LPIN1: variants seen among roughly 807,000 people sequenced by gnomAD.
The protein encoded by LPIN1 is phosphatidate phosphatase LPIN1.
In LPIN1, 71 loss-of-function variants were observed where a neutral mutation model predicts 107.5. The observed-to-expected ratio is 0.66, with a 90% CI of 0.55 to 0.80. The LOEUF (loss-of-function observed/expected upper bound fraction) is 0.80, where lower values mean the gene tolerates loss of function less well. Among genes scored for constraint, LPIN1 ranks in the 30% least tolerant of loss-of-function variants. The pLI, the probability that LPIN1 is intolerant of heterozygous loss-of-function variation, is 0.00. For synonymous variants in LPIN1, 445 were observed against 452.6 expected (o/e 0.98, Z 0.21); for missense variants, 1,043 against 1,160.6 (o/e 0.90, Z 1.47).
rs115720594 is a variant in LPIN1, at chr2:11,809,365, G to A, written c.2249+4209G>A. Among the ~76,000 whole-genome samples, 1,150 of 152,206 alleles carry A rather than the reference G, an allele frequency of 7.6e-3. 11 individuals carry two copies. Among genetic ancestry groups the A allele is most frequent in the African/African-American group, 0.025 (1,022 of 41,534 alleles). On this transcript the variant is annotated intron_variant, in intron 17 of 20. Transcript: ENST00000674199. ...TAGCTCCGCTGGGGTCTAGGTATGC[G>A]GTGTCCCAAGCCAGTGGACTGAAAA...
chr2:11,713,781 G>A lies in LPIN1; in HGVS notation c.107G>A (p.Trp36Ter), dbSNP rs1467158087. 2 of 1,522,432 alleles carry A rather than the reference G, an allele frequency of 1.3e-6. No individual in the cohort carries two copies. Among genetic ancestry groups the A allele is most frequent in the Admixed American group, 2.0e-5 (1 of 50,834 alleles). 94.3% of individuals were successfully genotyped at this position (1,522,432 alleles called of 1,614,324 possible). A position where few individuals can be genotyped will look rare whatever the true frequency, so the allele number is the denominator to read the frequency against. ...ATTCCAATAATGAGAGACCCTGGGTGGATTCGAAATGTATGGTCTTCAAAC... is the reference window on the plus strand; with the variant it reads ...ATTCCAATAATGAGAGACCCTGGGTAGATTCGAAATGTATGGTCTTCAAAC... Residue 36 changes from tryptophan to a stop codon, truncating the protein, a stop_gained, in exon 2 of 22, where the codon TGG becomes TAG. Coordinates refer to the LPIN1 transcript ENST00000449576. LOFTEE classifies it high-confidence loss of function.
intron 6 of LPIN1, among the ~76,000 whole-genome samples, chr2:11,777,768 T>C (rs1672906008): frequency 6.6e-6 from 1 of 152,246 alleles, no homozygotes; most frequent in Admixed American, 6.5e-5. Context: ...TTTCATTTAG[T>C]GACAGTGAGA....
At chr2:11,725,279 A>G (rs760326710) in intron 1 of LPIN1, among the ~76,000 whole-genome samples, 41 of 151,972 alleles carry the variant, frequency 2.7e-4, no homozygotes, top group Admixed American at 1.8e-3. Flanking sequence ...AAACAAAAAC[A>G]AAAACAAACA....
intron 14 of LPIN1, among the ~76,000 whole-genome samples, chr2:11,801,783 T>C (rs1377078930): frequency 6.6e-6 from 1 of 152,208 alleles, no homozygotes; most frequent in Non-Finnish European, 1.5e-5. Flanking sequence ...AAAGAAATGA[T>C]AACTGTTTGG....
chr2:11,784,167 G>A lies in LPIN1; in HGVS notation c.1358+245G>A, dbSNP rs3762583. 93,099 of 739,500 alleles carry A rather than the reference G, an allele frequency of 0.13. 6,472 individuals are homozygous for A. The highest frequency in any genetic ancestry group is 0.17 in the East Asian group (3,497 of 20,772). 45.8% of individuals were successfully genotyped at this position (739,500 alleles called of 1,614,324 possible). On this transcript the variant is annotated intron_variant, in intron 9 of 20. Coordinates refer to ENST00000674199, the MANE Select transcript of LPIN1 (RefSeq NM_001349206.2). ...GAAAATACCAAAATTGGCTGCACGT[G>A]CTGGCATGCACCTGTAATCCCAGCT...
chr2:11,740,505 A>C (rs1035462542), intron 1 of LPIN1, among the ~76,000 whole-genome samples: 4 of 151,822 alleles, frequency 2.6e-5, no homozygotes, highest in African/African-American at 7.3e-5. Context: ...ACATGGCGAA[A>C]CCCTGTCTCT....
At chr2:11,745,635 A>G (rs1666821650), upstream of LPIN1, among the ~76,000 whole-genome samples, 1 of 152,256 alleles carries the variant, frequency 6.6e-6, no homozygotes, top group African/African-American at 2.4e-5. Flanking sequence ...GCCTGAGGCC[A>G]GAAGGTGAAG....
chr2:11,688,671 G>A (rs1261422489), intron 1 of LPIN1, among the ~76,000 whole-genome samples: 2 of 152,240 alleles, frequency 1.3e-5, no homozygotes, highest in African/African-American at 4.8e-5. Flanking sequence ...ACAGGGGAGT[G>A]TTGACAAATG....
At chr2:11,809,456 G>C (rs1359289251) in intron 17 of LPIN1, among the ~76,000 whole-genome samples, 2 of 151,812 alleles carry the variant, frequency 1.3e-5, no homozygotes, top group Non-Finnish European at 2.9e-5. Flanking sequence ...TGCTCTTGTT[G>C]TCCAGGCTGG....
chr2:11,780,664 G>T (rs1248055005), intron 7 of LPIN1, among the ~76,000 whole-genome samples: 1 of 152,178 alleles, frequency 6.6e-6, no homozygotes, highest in African/African-American at 2.4e-5. Flanking sequence ...CTGGGTTTGA[G>T]TCCTCACTGC....
chr2:11,761,516 A>G (rs1477207482), intron 1 of LPIN1, among the ~76,000 whole-genome samples: 1 of 152,184 alleles, frequency 6.6e-6, no homozygotes, highest in African/African-American at 2.4e-5. Context: ...GAGGAGGTGT[A>G]TCAGTACAGA....
intron 17 of LPIN1, among the ~76,000 whole-genome samples, chr2:11,813,321 A>G (rs1305129184): frequency 6.6e-6 from 1 of 152,212 alleles, no homozygotes; most frequent in Non-Finnish European, 1.5e-5. Flanking sequence ...TCAAAATGAT[A>G]TCACTTAGAC....
chr2:11,788,211 G>C (rs918532159), intron 11 of LPIN1, among the ~76,000 whole-genome samples, 176 bp from the exon 12 acceptor site: 1 of 152,138 alleles, frequency 6.6e-6, no homozygotes, highest in African/African-American at 2.4e-5. Flanking sequence ...GGGGTGAGGT[G>C]GGGGGAGCCT....
intron 14 of LPIN1, among the ~76,000 whole-genome samples, chr2:11,797,425 A>T (rs1001469464): frequency 6.6e-6 from 1 of 152,236 alleles, no homozygotes; most frequent in Admixed American, 6.5e-5. Flanking sequence ...TTCAATCCCA[A>T]ACCATACAGT....
rs1354955148 is a variant in LPIN1 at position 11,752,432 on chromosome 2, C to CTTTTTTTT, written c.-10+5761_-10+5762insTTTTTTTT. On this transcript the variant is annotated intron_variant, in intron 1 of 20. Transcript: ENST00000674199. Reference sequence around the variant, plus strand: ...TTTTTCTTTTGAGCTGTTCCAAGGCCATTTTTTTTTTTTTTTTGAGACGGA... The same window carrying CTTTTTTTT: ...TTTTTCTTTTGAGCTGTTCCAAGGCCTTTTTTTTATTTTTTTTTTTTTTTTGAGACGGA... Among the ~76,000 whole-genome samples the CTTTTTTTT allele has an allele frequency of 2.7e-4, 22 of 82,664 alleles. 1 individual carries two copies. Among genetic ancestry groups the CTTTTTTTT allele is most frequent in the African/African-American group, 1.5e-3 (19 of 12,686 alleles). The allele number at this position is 82,664 out of a possible 152,430, so 54.2% of individuals were successfully genotyped here. A position where few individuals can be genotyped will look rare whatever the true frequency, so the allele number is the denominator to read the frequency against.
At chr2:11,703,553 A>T (rs1662987397) in intron 1 of LPIN1, among the ~76,000 whole-genome samples, 1 of 152,218 alleles carries the variant, frequency 6.6e-6, no homozygotes, top group Non-Finnish European at 1.5e-5. Context: ...TTTATACAGA[A>T]GGACTTGCCT....
rs1298437287 is a variant in LPIN1 at position 11,784,430 on chromosome 2, C to T, written c.1359-456C>T. On this transcript the variant is annotated intron_variant, in intron 9 of 20. Transcript: ENST00000674199. ...GCGGCGCCCCACCTCTGGACAGGGG[C>T]GCAGCACCGGGCTGCCCTCCCTGCA... The T allele has an allele frequency of 9.0e-6, 10 of 1,114,652 alleles. No homozygotes were observed. In the Admixed American group the frequency reaches 1.9e-4, roughly 21 times the overall value. 69.0% of individuals were successfully genotyped at this position (1,114,652 alleles called of 1,614,324 possible). A position where few individuals can be genotyped will look rare whatever the true frequency, so the allele number is the denominator to read the frequency against.
chr2:11,807,680 C>T (rs931814713), intron 17 of LPIN1, among the ~76,000 whole-genome samples: 3 of 151,942 alleles, frequency 2.0e-5, no homozygotes, highest in South Asian at 2.1e-4. Context: ...AGATACTGCC[C>T]GGAGCATGAT....
At chr2:11,695,741 T>A (rs895841348) in intron 1 of LPIN1, among the ~76,000 whole-genome samples, 1 of 152,144 alleles carries the variant, frequency 6.6e-6, no homozygotes, top group Non-Finnish European at 1.5e-5. Context: ...TTGGCTATCA[T>A]CTCTGTCTTG....
Sources: gnomAD v4.1 joint callset for allele counts (sites outside exome capture counted in the v4.1 genomes callset) on GRCh38, gnomAD v4.1.1 for gene constraint, MANE v1.5 for transcripts, NCBI Gene and HGNC (gene_info 2026-07-23, HGNC 2026-07-21) for gene names.